ABCB1: variants seen among roughly 807,000 people sequenced by gnomAD.
ABCB1 encodes ATP-dependent translocase ABCB1.
Under a neutral mutation model 142.0 loss-of-function variants are expected in ABCB1, and 69 were observed. That is an observed-to-expected ratio of 0.49 (90% CI 0.40 to 0.59). The LOEUF is 0.59. ABCB1 is among the 20% of genes least tolerant of loss of function. The pLI, the probability that ABCB1 is intolerant of heterozygous loss-of-function variation, is 0.00. For missense variants in ABCB1, 1,326 were observed against 1,554.7 expected (o/e 0.85, Z 2.47); for synonymous variants, 532 against 539.2 (o/e 0.99, Z 0.18).
intron 4 of ABCB1, among the ~76,000 whole-genome samples, chr7:87,582,048 G>T (rs2129907283): frequency 6.6e-6 from 1 of 152,266 alleles, no homozygotes; most frequent in Non-Finnish European, 1.5e-5. Context: ...GTATCTGGCA[G>T]TCTGAATCTG....
intron 4 of ABCB1, among the ~76,000 whole-genome samples, chr7:87,581,201 C>T (rs1249850272): frequency 6.6e-6 from 1 of 152,128 alleles, no homozygotes; most frequent in Non-Finnish European, 1.5e-5. Context: ...AAGTGATCCT[C>T]CCACCTCAGC....
chr7:87,563,455 G>T (rs1817657184), intron 7 of ABCB1: 1 of 441,548 alleles, frequency 2.3e-6, no homozygotes, highest in East Asian at 7.1e-5. Flanking sequence ...ACATCAAAAA[G>T]CTTATCTACC....
intron 1 of ABCB1, among the ~76,000 whole-genome samples, chr7:87,662,244 T>G (rs1447396558): frequency 1.3e-5 from 2 of 152,126 alleles, no homozygotes; most frequent in East Asian, 3.9e-4. Context: ...GTGCAGAAGC[T>G]TTTTAACTTG....
At chr7:87,566,373 G>C in intron 6 of ABCB1, 132 bp from the exon 7 acceptor site, 1 of 923,002 alleles carries the variant, frequency 1.1e-6, no homozygotes, top group Non-Finnish European at 1.7e-6. Flanking sequence ...TATTTAGCAG[G>C]GTAGAAGTTT....
In ABCB1 at chr7:87,504,267, G is replaced by A. The variant is rs1182116983; in HGVS notation, c.3819C>T (p.Val1273=). Residue 1273 remains valine, a synonymous_variant, in exon 28 of 28, where the codon GTC becomes GTT. Coordinates refer to ENST00000622132, the MANE Select transcript of ABCB1 (RefSeq NM_001348946.2). The stretch of plus-strand genomic sequence containing the variant: ...TTCACTGGCGCTTTGTTCCAGCCTG[G>A]ACACTGACCATTGAAAAATAGATGC... The part of the protein sequence containing the change: ...QKGIYFSMVS[V]QAGTKRQ 1.2e-6 allele frequency: 2 copies of A among 1,614,106 alleles called. No individual in the cohort carries two copies. The highest frequency in any genetic ancestry group is 3.3e-5 in the Admixed American group (2 of 60,020).
At chr7:87,653,610 A>G (rs929514522) in intron 1 of ABCB1, among the ~76,000 whole-genome samples, 2 of 152,140 alleles carry the variant, frequency 1.3e-5, no homozygotes, top group East Asian at 1.9e-4. Flanking sequence ...ATTCTTATGT[A>G]TATGAAACCA....
chr7:87,705,980 GTCT>G (rs781193979), intron 1 of ABCB1, among the ~76,000 whole-genome samples: 1 of 152,056 alleles, frequency 6.6e-6, no homozygotes, highest in Non-Finnish European at 1.5e-5. Context: ...AGTTCTTCCT[GTCT>G]TCTTGTATAT....
intron 7 of ABCB1, chr7:87,564,170 G>A (rs1268215317): frequency 1.3e-5 from 6 of 450,458 alleles, no homozygotes; most frequent in Admixed American, 7.2e-5. Context: ...TAAAATAAAA[G>A]TTTTAAAAAG....
intron 1 of ABCB1, among the ~76,000 whole-genome samples, chr7:87,704,954 GC>G (rs1563148443): frequency 6.6e-6 from 1 of 152,168 alleles, no homozygotes. Context: ...GTGTCATTTT[GC>G]CTTGACACAT....
At chr7:87,710,313 C>T (rs1829958603) in intron 1 of ABCB1, among the ~76,000 whole-genome samples, 1 of 152,048 alleles carries the variant, frequency 6.6e-6, no homozygotes, top group African/African-American at 2.4e-5. Flanking sequence ...ACCCAAGTAA[C>T]TCAGTATTAA....
At chr7:87,527,847 T>C (rs1228739736) in intron 21 of ABCB1, among the ~76,000 whole-genome samples, 1 of 152,168 alleles carries the variant, frequency 6.6e-6, no homozygotes, top group Admixed American at 6.5e-5. Context: ...TTTTATTTTA[T>C]GATTTAACAC....
chr7:87,548,579 G>A (rs1191358512), intron 14 of ABCB1, among the ~76,000 whole-genome samples: 1 of 152,104 alleles, frequency 6.6e-6, no homozygotes, highest in Admixed American at 6.5e-5. Context: ...TAGAGACAGG[G>A]AGAGTTGAAA....
At chr7:87,679,885 A>G (rs948799220) in intron 1 of ABCB1, among the ~76,000 whole-genome samples, 1 of 150,746 alleles carries the variant, frequency 6.6e-6, no homozygotes, top group Non-Finnish European at 1.5e-5. Flanking sequence ...AACAGAAGAT[A>G]TCTGAAAAAT....
chr7:87,705,455 A>T (rs1418691798), intron 1 of ABCB1, among the ~76,000 whole-genome samples: 1 of 152,150 alleles, frequency 6.6e-6, no homozygotes, highest in Admixed American at 6.5e-5. Context: ...AACAACAAAA[A>T]AAAACAATGA....
chr7:87,587,500 T>G (rs1818807180), intron 3 of ABCB1, among the ~76,000 whole-genome samples: 3 of 152,144 alleles, frequency 2.0e-5, no homozygotes, highest in Admixed American at 2.0e-4. Context: ...GACACAAAAC[T>G]GAGTCAATCA....
At chr7:87,621,709 T>C (rs1216090425) in intron 1 of ABCB1, among the ~76,000 whole-genome samples, 1 of 152,086 alleles carries the variant, frequency 6.6e-6, no homozygotes, top group Non-Finnish European at 1.5e-5. Context: ...GAAAATATAT[T>C]GACTGTGTGT....
Position 87,521,411 on chromosome 7 carries a change from G to A in ABCB1, c.2686-535C>T, listed in dbSNP as rs925184688. 3.4e-5 allele frequency: 22 copies of A among 646,352 alleles called. 1 individual carries two copies. The highest frequency in any genetic ancestry group is 7.2e-5 in the African/African-American group (4 of 55,258). 40.0% of individuals were successfully genotyped at this position (646,352 alleles called of 1,614,324 possible). Reference sequence around the variant, plus strand: ...TGTGGACGCTTACCCCTTTCTGCCCGTGGACGCCACCAAGGAAGCATCCTT... The same window carrying A: ...TGTGGACGCTTACCCCTTTCTGCCCATGGACGCCACCAAGGAAGCATCCTT... On this transcript the variant is annotated intron_variant, in intron 21 of 27. Coordinates refer to ENST00000622132, the MANE Select transcript of ABCB1 (RefSeq NM_001348946.2).
intron 4 of ABCB1, among the ~76,000 whole-genome samples, chr7:87,573,891 G>GAT (rs148628175): frequency 2.4e-4 from 36 of 151,488 alleles, no homozygotes; most frequent in South Asian, 6.2e-4. Flanking sequence ...AAACCTACAC[G>GAT]ATATATATAT....
intron 1 of ABCB1, among the ~76,000 whole-genome samples, chr7:87,615,990 A>C (rs1429714809): frequency 6.6e-6 from 1 of 152,232 alleles, no homozygotes; most frequent in Non-Finnish European, 1.5e-5. Flanking sequence ...TGGCTTTGCT[A>C]ATACTTAAGT....
Sources: allele counts gnomAD v4.1 joint callset (sites outside exome capture counted in the v4.1 genomes callset), GRCh38; gene constraint gnomAD v4.1.1; transcripts MANE v1.5; gene names NCBI Gene and HGNC (gene_info 2026-07-23, HGNC 2026-07-21).